Variants in TOMM22 observed in about 807,000 individuals in gnomAD.
TOMM22 encodes the protein translocase of outer mitochondrial membrane 22, also known as mitochondrial import receptor subunit TOM22 homolog.
In TOMM22, 3 loss-of-function variants were observed where a neutral mutation model predicts 17.1. That is an observed-to-expected ratio of 0.18 (90% CI 0.08 to 0.45). The LOEUF (loss-of-function observed/expected upper bound fraction) is 0.45. Ranked by LOEUF, TOMM22 falls within the 20% of genes least tolerant of loss-of-function variation. TOMM22 has a pLI of 0.99. For missense variants in TOMM22, 159 were observed against 179.5 expected (o/e 0.89, Z 0.65); for synonymous variants, 91 against 74.0 (o/e 1.23, Z -1.18).
In TOMM22 at chr22:38,684,592, C is replaced by T. The variant is rs1253880546; in HGVS notation, c.*751C>T. 1 of 152,104 alleles carries T rather than the reference C, an allele frequency of 6.6e-6. No homozygotes were observed. The highest frequency in any genetic ancestry group is 1.9e-4 in the East Asian group (1 of 5,198). 9.4% of individuals were successfully genotyped at this position (152,104 alleles called of 1,614,324 possible). ...CACCTCCATCTTAACAGCCATAGGCCCAAATTGTTTCCAAGTGAAAATTCA... is the reference window on the plus strand; with the variant it reads ...CACCTCCATCTTAACAGCCATAGGCTCAAATTGTTTCCAAGTGAAAATTCA... On this transcript the variant is annotated 3_prime_UTR_variant, in exon 4 of 4. Coordinates refer to ENST00000216034, the MANE Select transcript of TOMM22 (RefSeq NM_020243.5).
chr22:38,683,039 A>G, intron 3 of TOMM22, 43 bp downstream of exon 3: 2 of 1,419,520 alleles, frequency 1.4e-6, no homozygotes, highest in Admixed American at 1.9e-5. Context: ...TGGAGACGCA[A>G]GTTATTTCAC....
chr22:38,682,243 C>T (rs1702101177), intron 1 of TOMM22, 80 bp from the exon 2 acceptor site: 4 of 1,539,472 alleles, frequency 2.6e-6, no homozygotes, highest in Non-Finnish European at 3.6e-6. Flanking sequence ...TCCAGTGGGG[C>T]TCGGCGGCTC....
At position 38,683,993 on chromosome 22, in the gene TOMM22, A is replaced by C; in HGVS notation, c.*152A>C. On this transcript the variant is annotated 3_prime_UTR_variant, in exon 4 of 4. Coordinates refer to ENST00000216034, the MANE Select transcript of TOMM22 (RefSeq NM_020243.5). Reference sequence around the variant, plus strand: ...GAATTATCCCCACATTGTCTCATGGAAAGACTCAACTTGCAACTGTGCCCT... The same window carrying C: ...GAATTATCCCCACATTGTCTCATGGCAAGACTCAACTTGCAACTGTGCCCT... The C allele has an allele frequency of 1.5e-6, 1 of 652,686 alleles. No homozygotes were observed. Among genetic ancestry groups the C allele is most frequent in the Non-Finnish European group, 2.6e-6 (1 of 379,224 alleles). 40.4% of individuals were successfully genotyped at this position (652,686 alleles called of 1,614,324 possible). A position where few individuals can be genotyped will look rare whatever the true frequency, so the allele number is the denominator to read the frequency against.
Position 38,682,996 on chromosome 22 carries a change from G to A in TOMM22, c.354G>A (p.Gln118=), listed in dbSNP as rs766372989. The A allele has an allele frequency of 6.2e-7, 1 of 1,613,494 alleles. No homozygotes were observed. The highest frequency in any genetic ancestry group is 2.2e-5 in the East Asian group (1 of 44,868). ...MEQQQQLQQR[Q]ILLGPNTGLS... ...AACAGCAGCAACTGCAGCAGCGGCAGGTGAGCCCAGACCTTGGGCTTTTTG... is the reference window on the plus strand; with the variant it reads ...AACAGCAGCAACTGCAGCAGCGGCAAGTGAGCCCAGACCTTGGGCTTTTTG... The change falls in exon 3 of 4, where the codon CAG becomes CAA. Residue 118 remains glutamine (Q), a splice_region_variant and synonymous_variant. Transcript: ENST00000216034.
rs1189417498 is a variant in TOMM22 at position 38,685,008 on chromosome 22, C to G, written c.*1167C>G. 6.6e-6 allele frequency: 1 copy of G among 152,078 alleles called. No homozygotes were observed. The highest frequency in any genetic ancestry group is 1.5e-5 in the Non-Finnish European group (1 of 68,032). The allele number at this position is 152,078 out of a possible 1,614,324, so 9.4% of individuals were successfully genotyped here. On this transcript the variant is annotated 3_prime_UTR_variant, in exon 4 of 4. Transcript: ENST00000216034. Reference sequence around the variant, plus strand: ...TGTTGCCCCAGATAGTCTTGAACTCCTGAGTTCTAGCCATCCACCCGCCTC... The same window carrying G: ...TGTTGCCCCAGATAGTCTTGAACTCGTGAGTTCTAGCCATCCACCCGCCTC...
At position 38,682,414 on chromosome 22, in the gene TOMM22, C is replaced by A; in HGVS notation, c.209C>A (p.Ser70Tyr). The change falls in exon 2 of 4, where the codon TCC becomes TAC. Residue 70 changes from serine to tyrosine, a missense_variant. Coordinates refer to ENST00000216034, the MANE Select transcript of TOMM22 (RefSeq NM_020243.5). ...GCGGCCGGAGCCACTTTTGATCTTT[C>A]CCTCTTTGTGGCTCAGAAAATGTAC... Reference protein sequence around the residue: ...RSAAGATFDLSLFVAQKMYRF... With the variant: ...RSAAGATFDLYLFVAQKMYRF... The A allele has an allele frequency of 6.2e-7, 1 of 1,614,174 alleles. No homozygotes were observed. Among genetic ancestry groups the A allele is most frequent in the Non-Finnish European group, 8.5e-7 (1 of 1,180,024 alleles).
In TOMM22 at chr22:38,683,853, T is replaced by A; in HGVS notation, c.*12T>A. On this transcript the variant is annotated 3_prime_UTR_variant, in exon 4 of 4. Transcript: ENST00000216034. ...CTGGAAAGATCTAGATTGTTATTGCTGTTTGAGCTGTCTCAGTGGGATAAG... is the reference window on the plus strand; with the variant it reads ...CTGGAAAGATCTAGATTGTTATTGCAGTTTGAGCTGTCTCAGTGGGATAAG... 1 of 1,612,240 alleles carries A rather than the reference T, an allele frequency of 6.2e-7. No homozygotes were observed. Among genetic ancestry groups the A allele is most frequent in the South Asian group, 1.1e-5 (1 of 91,032 alleles).
At chr22:38,683,079 C>T in intron 3 of TOMM22, 83 bp downstream of exon 3, 2 of 969,920 alleles carry the variant, frequency 2.1e-6, no homozygotes, top group Non-Finnish European at 2.9e-6. Flanking sequence ...CTTTTTGGCA[C>T]CAGGGACTGG....
chr22:38,683,364 G>T (rs1358220578), intron 3 of TOMM22, among the ~76,000 whole-genome samples: 1 of 152,086 alleles, frequency 6.6e-6, no homozygotes, highest in African/African-American at 2.4e-5. Context: ...TAGATCCCTC[G>T]CATGCACTGT....
Position 38,682,347 on chromosome 22 carries a change from C to T in TOMM22, c.142C>T (p.Leu48=). The change falls in exon 2 of 4, where the codon CTA becomes TTA. Residue 48 remains leucine, a synonymous_variant. Transcript: ENST00000216034. The stretch of plus-strand genomic sequence containing the variant: ...GCTAGATGAGACCCTGTCGGAGAGA[C>T]TATGGGGCCTGACGGAGATGTTTCC... ...EELDETLSER[L]WGLTEMFPER... is the part of the protein sequence containing the mutation. 6.2e-7 allele frequency: 1 copy of T among 1,614,226 alleles called. No homozygotes were observed. Among genetic ancestry groups the T allele is most frequent in the Non-Finnish European group, 8.5e-7 (1 of 1,180,046 alleles).
Position 38,685,288 on chromosome 22 carries a change from C to T in TOMM22, c.*1447C>T, listed in dbSNP as rs1303243287. 3.9e-5 allele frequency: 6 copies of T among 152,318 alleles called. No homozygotes were observed. The highest frequency in any genetic ancestry group is 3.4e-3 in the Middle Eastern group (1 of 294). 9.4% of individuals were successfully genotyped at this position (152,318 alleles called of 1,614,324 possible). A position where few individuals can be genotyped will look rare whatever the true frequency, so the allele number is the denominator to read the frequency against. ...GGGATGGTGGGGCTGGGCCCAGGCCCGCTGGGTATACATGATCTTTCACTT... is the reference window on the plus strand; with the variant it reads ...GGGATGGTGGGGCTGGGCCCAGGCCTGCTGGGTATACATGATCTTTCACTT... On this transcript the variant is annotated 3_prime_UTR_variant, in exon 4 of 4. Coordinates refer to ENST00000216034, the MANE Select transcript of TOMM22 (RefSeq NM_020243.5).
rs1173650218 is a variant in TOMM22 at position 38,684,663 on chromosome 22, A to C, written c.*822A>C. 2 of 152,188 alleles carry C rather than the reference A, an allele frequency of 1.3e-5. No homozygotes were observed. Among genetic ancestry groups the C allele is most frequent in the East Asian group, 3.8e-4 (2 of 5,204 alleles). The allele number at this position is 152,188 out of a possible 1,614,324, so 9.4% of individuals were successfully genotyped here. On this transcript the variant is annotated 3_prime_UTR_variant, in exon 4 of 4. Transcript: ENST00000216034. ...AGCAATCTTTGCCCTGAATTTAGGCAGTCACTTTGAGATCCATCAGCCTAA... is the reference window on the plus strand; with the variant it reads ...AGCAATCTTTGCCCTGAATTTAGGCCGTCACTTTGAGATCCATCAGCCTAA...
At chr22:38,682,813 TG>T in intron 2 of TOMM22, 65 bp from the exon 3 acceptor site, 1 of 1,352,552 alleles carries the variant, frequency 7.4e-7, no homozygotes, top group Non-Finnish European at 1.1e-6. Flanking sequence ...GTTTGGTTAC[TG>T]GGTAGTTCTT....
At chr22:38,682,654 G>A (rs562168996) in intron 2 of TOMM22, among the ~76,000 whole-genome samples, 2 of 152,008 alleles carry the variant, frequency 1.3e-5, no homozygotes, top group South Asian at 4.2e-4. Context: ...TAATGAATAA[G>A]GAGCTTTGTA....
Position 38,682,243 on chromosome 22 carries a change from C to A in TOMM22, c.118-80C>A. On this transcript the variant is annotated intron_variant, in intron 1 of 3. Transcript: ENST00000216034. ...CCTGGGTGCCCTAGCTCCAGTGGGG[C>A]TCGGCGGCTCCCAGTGCCGCAGCGG... 1.0e-5 allele frequency: 16 copies of A among 1,539,584 alleles called. No individual in the cohort carries two copies. The South Asian group carries it at 1.7e-4, about 16-fold the overall frequency.
Position 38,684,912 on chromosome 22 carries a change from C to CT in TOMM22, c.*1072dup, listed in dbSNP as rs1225341424. ...CCCTCCAACTTGGCCTCCTGGGTAG[C>CT]TAAGACTACAGGTACACGCCACCGT... On this transcript the variant is annotated 3_prime_UTR_variant, in exon 4 of 4. Transcript: ENST00000216034. The CT allele has an allele frequency of 2.0e-5, 3 of 151,118 alleles. No homozygotes were observed. The highest frequency in any genetic ancestry group is 4.4e-5 in the Non-Finnish European group (3 of 67,922). 9.4% of individuals were successfully genotyped at this position (151,118 alleles called of 1,614,324 possible). A position where few individuals can be genotyped will look rare whatever the true frequency, so the allele number is the denominator to read the frequency against.
At chr22:38,682,786 A>C in intron 2 of TOMM22, 93 bp from the exon 3 acceptor site, 1 of 1,036,284 alleles carries the variant, frequency 9.6e-7, no homozygotes. Flanking sequence ...AAAACATTGG[A>C]GTATGTAATG....
intron 1 of TOMM22, 62 bp downstream of exon 1, chr22:38,682,157 G>GTGGTACGGGA: frequency 6.5e-7 from 1 of 1,526,932 alleles, no homozygotes; most frequent in East Asian, 2.4e-5. Flanking sequence ...TGGGATCCGC[G>GTGGTACGGGA]TGGTACGGGA....
In TOMM22 at chr22:38,682,963, A is replaced by G; in HGVS notation, c.321A>G (p.Gln107=). 6.2e-7 allele frequency: 1 copy of G among 1,613,694 alleles called. No individual in the cohort carries two copies. The highest frequency in any genetic ancestry group is 8.5e-7 in the Non-Finnish European group (1 of 1,179,790). Residue 107 remains glutamine, a synonymous_variant, in exon 3 of 4, where the codon CAA becomes CAG. Transcript: ENST00000216034. ...LPVVFETEKL[Q]MEQQQQLQQR... ...TTGTCTTTGAGACGGAGAAGTTGCAAATGGAGCAACAGCAGCAACTGCAGC... is the reference window on the plus strand; with the variant it reads ...TTGTCTTTGAGACGGAGAAGTTGCAGATGGAGCAACAGCAGCAACTGCAGC...
Sources: gnomAD v4.1 joint callset for allele counts (sites outside exome capture counted in the v4.1 genomes callset) on GRCh38, gnomAD v4.1.1 for gene constraint, MANE v1.5 for transcripts, NCBI Gene and HGNC (gene_info 2026-07-23, HGNC 2026-07-21) for gene names.